Variants in PCDHGB3 observed in about 807,000 individuals in gnomAD.
The protein encoded by PCDHGB3 is protocadherin gamma-B3.
In PCDHGB3, 40 loss-of-function variants were observed where a neutral mutation model predicts 59.2. The ratio of observed to expected loss-of-function variants is 0.68; its 90% confidence interval spans 0.52 to 0.88. The LOEUF (loss-of-function observed/expected upper bound fraction) is 0.88, where lower values mean the gene tolerates loss of function less well. Among genes scored for constraint, PCDHGB3 ranks in the 40% least tolerant of loss-of-function variants. The pLI is 0.00. For synonymous variants in PCDHGB3, 581 were observed against 503.6 expected, an observed-to-expected ratio of 1.15 and a Z score of -2.06; for missense variants, 1,309 against 1,187.9, an observed-to-expected ratio of 1.10 and a Z score of -1.50.
At chr5:141,441,855 G>A in intron 1 of PCDHGB3, 3 of 351,872 alleles carry the variant, frequency 8.5e-6, no homozygotes, top group Admixed American at 4.0e-5. Flanking sequence ...ATATGGTGCT[G>A]CACGCCGCGG....
intron 1 of PCDHGB3, chr5:141,420,319 G>A (rs1393746531): frequency 7.0e-7 from 1 of 1,437,540 alleles, no homozygotes; most frequent in Non-Finnish European, 9.4e-7. Flanking sequence ...ATTACAATAT[G>A]CCAATATATT....
intron 1 of PCDHGB3, among the ~76,000 whole-genome samples, chr5:141,407,447 G>A (rs1347838571): frequency 3.9e-5 from 6 of 152,260 alleles, no homozygotes; most frequent in African/African-American, 2.4e-5. Context: ...ACCAGAACAC[G>A]AGGCTCACCA....
intron 1 of PCDHGB3, 148 bp from the exon 2 acceptor site, chr5:141,494,659 T>C (rs749872848): frequency 2.3e-4 from 343 of 1,488,556 alleles, no homozygotes; most frequent in Non-Finnish European, 2.9e-4. Flanking sequence ...ATTTTGTCTT[T>C]GGAGATGAGT....
intron 1 of PCDHGB3, chr5:141,412,079 T>C (rs148830663): frequency 3.3e-4 from 50 of 152,342 alleles, no homozygotes; most frequent in African/African-American, 1.1e-3. Context: ...GAACAATTGC[T>C]ACTGGGTTGA....
intron 1 of PCDHGB3, among the ~76,000 whole-genome samples, chr5:141,401,300 C>A (rs1169689828): frequency 1.3e-5 from 2 of 152,200 alleles, no homozygotes; most frequent in African/African-American, 4.8e-5. Context: ...CGAGATCACT[C>A]CATTGCATTC....
chr5:141,441,609 A>G (rs922588350), intron 1 of PCDHGB3: 2 of 218,734 alleles, frequency 9.1e-6, no homozygotes, highest in South Asian at 5.5e-5. Context: ...TCCCTATTCC[A>G]TCGTGGCCAG....
intron 1 of PCDHGB3, chr5:141,398,588 T>C: frequency 1.9e-6 from 3 of 1,614,010 alleles, no homozygotes; most frequent in African/African-American, 1.3e-5. Flanking sequence ...AGATTTATAC[T>C]AGAAGTAGCA....
At position 141,493,482 on chromosome 5, in the gene PCDHGB3, G is replaced by A. The variant is rs184736387; in HGVS notation, c.2416-1325G>A. ...TTTTAGGACCTTACATGTGGGGAAA[G>A]TCTTCTGTGGCTCCTCATTTCTGAG... On this transcript the variant is annotated intron_variant, in intron 1 of 3. Coordinates refer to ENST00000576222, the MANE Select transcript of PCDHGB3 (RefSeq NM_018924.5). This position sits in a 1 kb window ranked among gnomAD's most constrained non-coding sequence, Gnocchi z 4.3. Among the ~76,000 whole-genome samples the A allele has an allele frequency of 1.5e-3, 229 of 152,324 alleles. No homozygotes were observed. Among genetic ancestry groups the A allele is most frequent in the Non-Finnish European group, 2.2e-3 (147 of 68,030 alleles).
chr5:141,430,637 G>A (rs2097298854), intron 1 of PCDHGB3: 1 of 890,676 alleles, frequency 1.1e-6, no homozygotes, highest in Admixed American at 2.8e-5. Context: ...ACCATCCCTG[G>A]GAGTATGTGG....
In PCDHGB3 at chr5:141,455,253, C is replaced by A. The variant is rs187877877; in HGVS notation, c.2416-39554C>A. 2.8e-3 allele frequency among the ~76,000 whole-genome samples: 433 copies of A among 151,986 alleles called. 1 individual carries two copies. Among genetic ancestry groups the A allele is most frequent in the Admixed American group, 0.021 (319 of 15,266 alleles). ...AAAATGTTAAAGGTCATAGTACAAT[C>A]GCATTTCTTCCCATTGATTATTAAC... is the stretch of plus-strand genomic sequence containing the variant. On this transcript the variant is annotated intron_variant, in intron 1 of 3. Coordinates refer to ENST00000576222, the MANE Select transcript of PCDHGB3 (RefSeq NM_018924.5).
chr5:141,394,837 T>G lies in PCDHGB3; in HGVS notation c.2415+22028T>G, dbSNP rs993988817. 198 of 1,613,706 alleles carry G rather than the reference T, an allele frequency of 1.2e-4. No homozygotes were observed. The highest frequency in any genetic ancestry group is 1.6e-4 in the Non-Finnish European group (187 of 1,179,960). ...AGCATCCCCGAAGTCCTGACCGAGT[T>G]GGGCAGTCTGAAGCCTTCGGTCGAC... is the stretch of plus-strand genomic sequence containing the variant. On this transcript the variant is annotated intron_variant, in intron 1 of 3. Coordinates refer to ENST00000576222, the MANE Select transcript of PCDHGB3 (RefSeq NM_018924.5).
At chr5:141,510,277 A>C (rs1242709133) in intron 3 of PCDHGB3, among the ~76,000 whole-genome samples, 5 of 151,916 alleles carry the variant, frequency 3.3e-5, no homozygotes, top group Admixed American at 2.6e-4. Flanking sequence ...CATCTTAAAA[A>C]AAAAAAAAAA....
intron 1 of PCDHGB3, chr5:141,395,266 T>C (rs1369566717): frequency 1.9e-6 from 3 of 1,548,854 alleles, no homozygotes; most frequent in Non-Finnish European, 8.7e-7. Context: ...TTGCTTTTAA[T>C]TTCCAGATGA....
At chr5:141,418,328 G>C in intron 1 of PCDHGB3, 1 of 1,614,002 alleles carries the variant, frequency 6.2e-7, no homozygotes. Flanking sequence ...TCTTGAGTCT[G>C]CAGAAGATCC....
chr5:141,400,254 G>T, intron 1 of PCDHGB3: 1 of 1,613,980 alleles, frequency 6.2e-7, no homozygotes, highest in Non-Finnish European at 8.5e-7. Flanking sequence ...CCGTTGCCTT[G>T]CGCCTGCGAC....
In PCDHGB3 at chr5:141,476,833, C is replaced by T. The variant is rs746365316; in HGVS notation, c.2416-17974C>T. 1.4e-5 allele frequency: 23 copies of T among 1,613,524 alleles called. No homozygotes were observed. Among genetic ancestry groups the T allele is most frequent in the Non-Finnish European group, 1.9e-5 (23 of 1,180,050 alleles). On this transcript the variant is annotated intron_variant, in intron 1 of 3. Coordinates refer to ENST00000576222, the MANE Select transcript of PCDHGB3 (RefSeq NM_018924.5). The surrounding 1 kb of genome is among the most constrained non-coding windows in gnomAD (Gnocchi z 7.6). Reference sequence around the variant, plus strand: ...ACATCAAGGTGCTGGACGCGAATGACAATGCGCCTGTCTTCAACCAGTCCT... The same window carrying T: ...ACATCAAGGTGCTGGACGCGAATGATAATGCGCCTGTCTTCAACCAGTCCT...
At chr5:141,415,454 A>G (rs899212436) in intron 1 of PCDHGB3, 2 of 1,614,162 alleles carry the variant, frequency 1.2e-6, no homozygotes, top group Non-Finnish European at 8.5e-7. Flanking sequence ...TATTCCCACG[A>G]GGTCTCTCTC....
In PCDHGB3 at chr5:141,415,516, G is replaced by T. The variant is rs199990575; in HGVS notation, c.2415+42707G>T. The T allele has an allele frequency of 1.9e-6, 3 of 1,614,220 alleles. No individual in the cohort carries two copies. In the African/African-American group the frequency reaches 4.0e-5, roughly 22 times the overall value. ...GATCTTCCCCCAGCCCAATTATGCG[G>T]ACACGCTCATCAGCCAGGAGAGCTG... On this transcript the variant is annotated intron_variant, in intron 1 of 3. Coordinates refer to ENST00000576222, the MANE Select transcript of PCDHGB3 (RefSeq NM_018924.5).
At chr5:141,375,629 G>T (rs567513392) in intron 1 of PCDHGB3, 4 of 1,614,074 alleles carry the variant, frequency 2.5e-6, no homozygotes, top group African/African-American at 1.3e-5. Context: ...GATTCTGTAC[G>T]CCCTGCGCTC....
Sources: allele counts gnomAD v4.1 joint callset (sites outside exome capture counted in the v4.1 genomes callset), GRCh38; gene constraint gnomAD v4.1.1; non-coding constraint Gnocchi (gnomAD v3.1); transcripts MANE v1.5; gene names NCBI Gene and HGNC (gene_info 2026-07-23, HGNC 2026-07-21).